The following KHDRBS1 variants were observed in gnomAD, a reference collection of about 807,000 sequenced individuals.
KHDRBS1 encodes the protein KH domain-containing, RNA-binding, signal transduction-associated protein 1.
In KHDRBS1, 7 loss-of-function variants were observed where a neutral mutation model predicts 48.4. The observed-to-expected ratio is 0.14, with a 90% CI of 0.08 to 0.27. The LOEUF is 0.27. Among genes scored for constraint, KHDRBS1 ranks in the 10% least tolerant of loss-of-function variants. KHDRBS1 has a pLI of 1.00. For missense variants in KHDRBS1, 458 were observed against 601.2 expected (o/e 0.76, Z 2.49); for synonymous variants, 241 against 235.8 (o/e 1.02, Z -0.20).
At chr1:32,026,329 G>A (rs1638970159) in intron 1 of KHDRBS1, among the ~76,000 whole-genome samples, 1 of 151,258 alleles carries the variant, frequency 6.6e-6, no homozygotes, top group African/African-American at 2.4e-5. Flanking sequence ...TGACTAATTT[G>A]TTATTTTTTA....
chr1:32,032,797 C>G (rs1639105668), intron 3 of KHDRBS1, among the ~76,000 whole-genome samples: 1 of 151,992 alleles, frequency 6.6e-6, no homozygotes. Flanking sequence ...TCAAGCAATT[C>G]TCCTGCCTCA....
At position 32,022,213 on chromosome 1, in the gene KHDRBS1, A is replaced by G. The variant is rs561792200; in HGVS notation, c.382+7836A>G. 3.3e-5 allele frequency among the ~76,000 whole-genome samples: 5 copies of G among 150,680 alleles called. No homozygotes were observed. The East Asian group carries it at 1.0e-3, about 30-fold the overall frequency. ...ACCATAGTAGAAACAGGGTTTCACC[A>G]TGTTGGCCAGGATAGTCTCGATCTC... On this transcript the variant is annotated intron_variant, in intron 1 of 8. Coordinates refer to ENST00000327300, the MANE Select transcript of KHDRBS1 (RefSeq NM_006559.3).
At chr1:32,023,884 G>C (rs1222068410) in intron 1 of KHDRBS1, among the ~76,000 whole-genome samples, 1 of 152,166 alleles carries the variant, frequency 6.6e-6, no homozygotes, top group Non-Finnish European at 1.5e-5. Context: ...ATAAAAGTCA[G>C]CTCTTCCTTG....
chr1:32,021,624 TG>T (rs1638860134), intron 1 of KHDRBS1, among the ~76,000 whole-genome samples: 1 of 152,084 alleles, frequency 6.6e-6, no homozygotes, highest in Non-Finnish European at 1.5e-5. Flanking sequence ...TTTTTGTATT[TG>T]TTTTTTTTTG....
chr1:32,022,756 G>C (rs990444597), intron 1 of KHDRBS1, among the ~76,000 whole-genome samples: 2 of 152,036 alleles, frequency 1.3e-5, no homozygotes, highest in African/African-American at 4.8e-5. Flanking sequence ...AGGTGTGGTG[G>C]CATGCGCCTA....
intron 10 of KHDRBS1, among the ~76,000 whole-genome samples, chr1:32,051,120 A>G (rs951151852): frequency 2.0e-5 from 3 of 151,580 alleles, no homozygotes; most frequent in Non-Finnish European, 4.4e-5. Context: ...CTGATCTCGA[A>G]CTCCTGACCT....
At position 32,025,292 on chromosome 1, in the gene KHDRBS1, C is replaced by CTTTTTTTT. The variant is rs576339772; in HGVS notation, c.383-4987_383-4980dup. Among the ~76,000 whole-genome samples the CTTTTTTTT allele has an allele frequency of 4.3e-5, 4 of 92,094 alleles. 1 individual carries two copies. The highest frequency in any genetic ancestry group is 2.1e-4 in the African/African-American group (4 of 18,618). 60.4% of individuals were successfully genotyped at this position (92,094 alleles called of 152,430 possible). On this transcript the variant is annotated intron_variant, in intron 1 of 8. Transcript: ENST00000327300. ...AAAAAAAAAAAAAATTCGGCTCCTC[C>CTTTTTTTT]TTTTTTTTTTTTTTTTTTTTTTTTT...
At chr1:32,052,029 C>T (rs1250030961) in intron 10 of KHDRBS1, among the ~76,000 whole-genome samples, 10 of 152,090 alleles carry the variant, frequency 6.6e-5, no homozygotes, top group African/African-American at 2.4e-4. Flanking sequence ...CTGATCTTGA[C>T]CACATTTAAA....
chr1:32,058,580 C>A (rs1438427395), intron 10 of KHDRBS1, among the ~76,000 whole-genome samples: 1 of 152,058 alleles, frequency 6.6e-6, no homozygotes, highest in Non-Finnish European at 1.5e-5. Flanking sequence ...GATTTTTAAA[C>A]TTGCTGATGA....
At chr1:32,059,631 TG>T (rs2124405151) in intron 10 of KHDRBS1, among the ~76,000 whole-genome samples, 1 of 152,198 alleles carries the variant, frequency 6.6e-6, no homozygotes, top group African/African-American at 2.4e-5. Flanking sequence ...AGATTTAAGA[TG>T]CGTCTCCTCT....
Position 32,014,194 on chromosome 1 carries a change from C to A in KHDRBS1, c.199C>A (p.Leu67Met). The change falls in exon 1 of 9, where the codon CTG becomes ATG. Residue 67 changes from leucine to methionine, a missense_variant. By Grantham distance (15) the Leu-to-Met change is conservative (BLOSUM62 2). Around this residue, in one of 3 missense-constraint regions of KHDRBS1, gnomAD observed 213 missense variants for 215.6 expected, o/e 0.99. Coordinates refer to ENST00000327300, the MANE Select transcript of KHDRBS1 (RefSeq NM_006559.3). ...ASPATQPPPL[L>M]PPSATGPDAT... is the part of the protein sequence containing the mutation. ...GCCCGCCACGCAGCCGCCACCGCTG[C>A]TGCCGCCCTCGGCCACGGGTCCCGA... The A allele has an allele frequency of 7.3e-7, 1 of 1,375,146 alleles. No homozygotes were observed. Among genetic ancestry groups the A allele is most frequent in the Non-Finnish European group, 9.5e-7 (1 of 1,055,266 alleles). The allele number at this position is 1,375,146 out of a possible 1,614,324, so 85.2% of individuals were successfully genotyped here.
Position 32,036,497 on chromosome 1 carries a change from T to A in KHDRBS1, c.772-413T>A, listed in dbSNP as rs533953133. On this transcript the variant is annotated intron_variant, in intron 4 of 8. Transcript: ENST00000327300. The stretch of plus-strand genomic sequence containing the variant: ...ATTTTGAAGATTAAACTGAAAAATC[T>A]ATATAAAGCTTATTATATAGAGCCA... 9.9e-5 allele frequency among the ~76,000 whole-genome samples: 15 copies of A among 152,268 alleles called. No homozygotes were observed. In the South Asian group the frequency reaches 1.2e-3, roughly 13 times the overall value.
chr1:32,057,455 C>A (rs2124403263), intron 10 of KHDRBS1, among the ~76,000 whole-genome samples: 2 of 151,906 alleles, frequency 1.3e-5, no homozygotes, highest in South Asian at 4.2e-4. Flanking sequence ...TGGGTGTTAG[C>A]CACCACACCT....
At chr1:32,052,336 GGAAA>G (rs1486969594) in intron 10 of KHDRBS1, 3 of 150,820 alleles carry the variant, frequency 2.0e-5, no homozygotes, top group Non-Finnish European at 1.5e-5. Flanking sequence ...AAGAAAGAAA[GGAAA>G]GAAAGAAAAG....
chr1:32,024,471 G>GAGC (rs1382191335), intron 1 of KHDRBS1, among the ~76,000 whole-genome samples: 1 of 151,064 alleles, frequency 6.6e-6, no homozygotes, highest in Non-Finnish European at 1.5e-5. Context: ...CCACCACACT[G>GAGC]AGCTAATTTA....
intron 1 of KHDRBS1, among the ~76,000 whole-genome samples, chr1:32,017,654 C>G (rs1206658659): frequency 1.7e-5 from 2 of 117,208 alleles, no homozygotes; most frequent in East Asian, 5.9e-4. Context: ...GTTGCCCAGG[C>G]TGGAGTGCAA....
chr1:32,024,193 C>T (rs949901888), intron 1 of KHDRBS1, among the ~76,000 whole-genome samples: 8 of 151,850 alleles, frequency 5.3e-5, no homozygotes, highest in African/African-American at 1.9e-4. Flanking sequence ...GCAGAGGTTG[C>T]AGTGAGCTGA....
intron 10 of KHDRBS1, among the ~76,000 whole-genome samples, chr1:32,055,877 A>C (rs1389182674): frequency 6.6e-6 from 1 of 152,154 alleles, no homozygotes; most frequent in Non-Finnish European, 1.5e-5. Context: ...TTCCAGTCCC[A>C]GGACTGGAGG....
At chr1:32,022,344 G>A (rs1638876365) in intron 1 of KHDRBS1, among the ~76,000 whole-genome samples, 1 of 152,106 alleles carries the variant, frequency 6.6e-6, no homozygotes, top group South Asian at 2.1e-4. Context: ...TGCCTGTTGT[G>A]TATCAAGCAT....
Sources: gnomAD v4.1 joint callset for allele counts (sites outside exome capture counted in the v4.1 genomes callset) on GRCh38, gnomAD v4.1.1 for gene constraint, gnomAD v4.1.1 regional missense constraint, MANE v1.5 for transcripts, NCBI Gene and HGNC (gene_info 2026-07-23, HGNC 2026-07-21) for gene names.